The following CTNNA3 variants were observed in gnomAD, a reference collection of about 807,000 sequenced individuals.
The protein encoded by CTNNA3 is catenin alpha 3.
In CTNNA3, 76 loss-of-function variants were observed where a neutral mutation model predicts 95.7. The ratio of observed to expected loss-of-function variants is 0.79; its 90% CI spans 0.66 to 0.96. CTNNA3 has a LOEUF of 0.96. Among genes scored for constraint, CTNNA3 ranks in the 40% least tolerant of loss-of-function variants. The pLI, the probability that CTNNA3 is intolerant of heterozygous loss-of-function variation, is 0.00. For synonymous variants in CTNNA3, 431 were observed against 374.4 expected, an observed-to-expected ratio of 1.15 and a Z score of -1.74; for missense variants, 1,191 against 1,089.8, an observed-to-expected ratio of 1.09 and a Z score of -1.31.
At chr10:66,901,090 G>T (rs1430063764) in intron 7 of CTNNA3, among the ~76,000 whole-genome samples, 1 of 152,138 alleles carries the variant, frequency 6.6e-6, no homozygotes, top group Non-Finnish European at 1.5e-5. Context: ...ATTCACCAAG[G>T]TTGAAATAAA....
intron 4 of CTNNA3, among the ~76,000 whole-genome samples, chr10:67,538,579 C>T (rs200776643): frequency 8.9e-6 from 1 of 112,988 alleles, no homozygotes; most frequent in East Asian, 2.3e-4. Flanking sequence ...GACTCCATCT[C>T]AAAAAAAAAA....
chr10:66,959,033 C>G (rs1017901230), intron 7 of CTNNA3, among the ~76,000 whole-genome samples: 4 of 152,082 alleles, frequency 2.6e-5, no homozygotes, highest in Non-Finnish European at 5.9e-5. Flanking sequence ...CTTAATTATA[C>G]ACATCCCCAT....
rs2076966514 is a variant in CTNNA3 at position 65,913,183 on chromosome 10, AGTT to A, written c.*7144_*7146del. 1.3e-5 allele frequency: 2 copies of A among 152,266 alleles called. No homozygotes were observed. Among genetic ancestry groups the A allele is most frequent in the East Asian group, 1.9e-4 (1 of 5,184 alleles). 9.4% of individuals were successfully genotyped at this position (152,266 alleles called of 1,614,324 possible). ...GAGGTCACTACATTTAAGCTGTCAA[AGTT>A]GTTGTTGTAATACGACATAAAGTAA... On this transcript the variant is annotated 3_prime_UTR_variant, in exon 18 of 18. Transcript: ENST00000433211.
At chr10:67,439,305 A>G (rs1447152284) in intron 5 of CTNNA3, among the ~76,000 whole-genome samples, 2 of 152,128 alleles carry the variant, frequency 1.3e-5, no homozygotes, top group Non-Finnish European at 2.9e-5. Flanking sequence ...TTTTATAAAG[A>G]AAAGAGGTTT....
At chr10:67,158,480 T>C (rs1217194263) in intron 7 of CTNNA3, among the ~76,000 whole-genome samples, 2 of 152,188 alleles carry the variant, frequency 1.3e-5, no homozygotes, top group African/African-American at 4.8e-5. Context: ...GGCTCTCGAC[T>C]ACTTGCTAGC....
At chr10:67,230,631 G>A (rs548398503) in intron 5 of CTNNA3, among the ~76,000 whole-genome samples, 1 of 152,276 alleles carries the variant, frequency 6.6e-6, no homozygotes, top group African/African-American at 2.4e-5. Context: ...GTGGGCTAAG[G>A]ACATGAATAG....
At chr10:66,867,983 T>A (rs771019286) in intron 7 of CTNNA3, among the ~76,000 whole-genome samples, 5 of 147,218 alleles carry the variant, frequency 3.4e-5, no homozygotes, top group Admixed American at 1.4e-4. Flanking sequence ...AATATTAGCA[T>A]GTACTTTCAT....
intron 9 of CTNNA3, among the ~76,000 whole-genome samples, chr10:66,627,292 C>A (rs185329254): frequency 6.6e-6 from 1 of 152,076 alleles, no homozygotes; most frequent in African/African-American, 2.4e-5. Flanking sequence ...TTTTTCTAAC[C>A]TAGTGGTGTA....
chr10:67,287,519 G>T (rs1255414700), intron 5 of CTNNA3, among the ~76,000 whole-genome samples: 1 of 151,994 alleles, frequency 6.6e-6, no homozygotes, highest in Non-Finnish European at 1.5e-5. Context: ...CACCATAAAA[G>T]GTACTCCTTA....
chr10:67,744,839 G>A lies in CTNNA3; in HGVS notation c.-2+18595C>T, dbSNP rs551275596. ...CAAACAACCCCATCAAAAAGTGGGC[G>A]AAGGATATGAACATGAACAGACATT... On this transcript the variant is annotated intron_variant, in intron 1 of 17. Coordinates refer to the CTNNA3 transcript ENST00000684154. Among the ~76,000 whole-genome samples the A allele has an allele frequency of 1.6e-4, 24 of 152,064 alleles. No homozygotes were observed. The South Asian group carries it at 2.3e-3, about 14-fold the overall frequency.
In CTNNA3 at chr10:66,634,696, C is replaced by T. The variant is rs112609667; in HGVS notation, c.1282-12912G>A. On this transcript the variant is annotated intron_variant, in intron 9 of 17. Coordinates refer to ENST00000433211, the MANE Select transcript of CTNNA3 (RefSeq NM_013266.4). ...TTCCTTTTTCCTATCTTACTCACAC[C>T]TCCAATTCTATTCAAATTTGTGTCT... Among the ~76,000 whole-genome samples, 163 of 151,772 alleles carry T rather than the reference C, an allele frequency of 1.1e-3. 1 individual carries two copies. The highest frequency in any genetic ancestry group is 3.7e-3 in the African/African-American group (151 of 41,356).
At chr10:67,446,553 TAA>T (rs888544308) in intron 5 of CTNNA3, among the ~76,000 whole-genome samples, 52 of 152,264 alleles carry the variant, frequency 3.4e-4, no homozygotes, top group African/African-American at 1.2e-3. Flanking sequence ...CTGTTGAAAA[TAA>T]GAGACCCTCC....
At chr10:67,369,701 A>C (rs866040216) in intron 5 of CTNNA3, among the ~76,000 whole-genome samples, 1 of 152,208 alleles carries the variant, frequency 6.6e-6, no homozygotes, top group African/African-American at 2.4e-5. Context: ...ACAAATATGC[A>C]TATGTACAGA....
chr10:66,947,078 A>T (rs927317610), intron 7 of CTNNA3, among the ~76,000 whole-genome samples: 1 of 152,144 alleles, frequency 6.6e-6, no homozygotes, highest in Non-Finnish European at 1.5e-5. Context: ...TCTCCAGGGC[A>T]GCCTTCTTTC....
At chr10:65,968,963 G>A (rs2078038106) in intron 16 of CTNNA3, among the ~76,000 whole-genome samples, 1 of 152,182 alleles carries the variant, frequency 6.6e-6, no homozygotes, top group South Asian at 2.1e-4. Context: ...ACACCTCTAG[G>A]GCTGAGGAGG....
chr10:66,852,050 A>T (rs564946846), intron 7 of CTNNA3, among the ~76,000 whole-genome samples: 12 of 152,252 alleles, frequency 7.9e-5, no homozygotes, highest in African/African-American at 2.4e-4. Flanking sequence ...GGTGGAGCCC[A>T]GGAATACAGT....
chr10:66,379,833 C>T (rs1398735618), intron 11 of CTNNA3, among the ~76,000 whole-genome samples: 9 of 152,124 alleles, frequency 5.9e-5, no homozygotes, highest in Non-Finnish European at 1.3e-4. Context: ...TGACCTCATC[C>T]TCTCCATTCT....
intron 17 of CTNNA3, among the ~76,000 whole-genome samples, chr10:65,959,839 G>A (rs2077806201): frequency 6.6e-6 from 1 of 152,120 alleles, no homozygotes; most frequent in Admixed American, 6.6e-5. Flanking sequence ...TTTGATAAAG[G>A]ATAGCAGGTG....
At chr10:67,748,656 A>G (rs1022211795) in intron 1 of CTNNA3, among the ~76,000 whole-genome samples, 1 of 152,250 alleles carries the variant, frequency 6.6e-6, no homozygotes, top group Non-Finnish European at 1.5e-5. Context: ...AACACACTGA[A>G]GTGCAAAAAC....
Sources: gnomAD v4.1 joint callset for allele counts (sites outside exome capture counted in the v4.1 genomes callset) on GRCh38, gnomAD v4.1.1 for gene constraint, MANE v1.5 for transcripts, NCBI Gene and HGNC (gene_info 2026-07-23, HGNC 2026-07-21) for gene names.